DIS3L2: variants seen among roughly 807,000 people sequenced by gnomAD.
DIS3L2 encodes DIS3-like exonuclease 2.
Under a neutral mutation model 97.5 loss-of-function variants are expected in DIS3L2, and 34 were observed. The observed-to-expected ratio is 0.35, with a 90% CI of 0.27 to 0.46. The LOEUF is 0.46. Ranked by LOEUF, DIS3L2 falls within the 20% of genes least tolerant of loss-of-function variation. DIS3L2 has a pLI of 1.00. For missense variants in DIS3L2, 1,038 were observed against 1,146.0 expected (o/e 0.91, Z 1.36); for synonymous variants, 435 against 445.2 (o/e 0.98, Z 0.29).
At chr2:231,965,140 T>TA (rs1278970093) in intron 1 of DIS3L2, among the ~76,000 whole-genome samples, 1 of 152,248 alleles carries the variant, frequency 6.6e-6, no homozygotes, top group East Asian at 1.9e-4. Flanking sequence ...CTTTGCCACT[T>TA]AGAGTTTCTT....
intron 6 of DIS3L2, among the ~76,000 whole-genome samples, chr2:232,097,151 G>T (rs1432598987): frequency 6.6e-6 from 1 of 152,208 alleles, no homozygotes; most frequent in Non-Finnish European, 1.5e-5. Flanking sequence ...AGTAACACTG[G>T]TTTTTGCAGA....
intron 8 of DIS3L2, among the ~76,000 whole-genome samples, chr2:232,144,450 A>G (rs1177375583): frequency 6.6e-6 from 1 of 152,048 alleles, no homozygotes; most frequent in Non-Finnish European, 1.5e-5. Context: ...CCTCTTCTAG[A>G]CAGTGTTTTC....
intron 9 of DIS3L2, among the ~76,000 whole-genome samples, chr2:232,167,406 A>G (rs1400845246): frequency 6.6e-6 from 1 of 152,212 alleles, no homozygotes; most frequent in African/African-American, 2.4e-5. Context: ...TGAAAGCAGT[A>G]TGGTTGAATA....
chr2:232,202,585 C>T (rs1039623505), intron 9 of DIS3L2, among the ~76,000 whole-genome samples: 7 of 152,190 alleles, frequency 4.6e-5, no homozygotes, highest in Non-Finnish European at 1.0e-4. Flanking sequence ...TCTGCTAACG[C>T]TTGAGTTGAC....
At chr2:232,318,585 C>G (rs943561230) in intron 14 of DIS3L2, among the ~76,000 whole-genome samples, 2 of 152,156 alleles carry the variant, frequency 1.3e-5, no homozygotes, top group East Asian at 1.9e-4. Flanking sequence ...GGGAGTGGCT[C>G]TCAGTGTTGT....
intron 1 of DIS3L2, among the ~76,000 whole-genome samples, chr2:231,981,638 G>A (rs1315463189): frequency 5.0e-5 from 4 of 79,296 alleles, no homozygotes; most frequent in Non-Finnish European, 8.6e-5. Flanking sequence ...ATATATATAT[G>A]AGACATATTT....
intron 5 of DIS3L2, among the ~76,000 whole-genome samples, chr2:232,053,862 A>G (rs1695474719): frequency 6.6e-6 from 1 of 152,132 alleles, no homozygotes; most frequent in Non-Finnish European, 1.5e-5. Flanking sequence ...CACATTACAC[A>G]GGGATGATTG....
chr2:232,277,345 C>T (rs973142528), intron 13 of DIS3L2, among the ~76,000 whole-genome samples: 3 of 152,184 alleles, frequency 2.0e-5, no homozygotes, highest in African/African-American at 7.2e-5. Context: ...CACCCGCTAA[C>T]GTTGGTGCAG....
chr2:232,166,559 T>C (rs997413141), intron 9 of DIS3L2, among the ~76,000 whole-genome samples: 12 of 152,050 alleles, frequency 7.9e-5, no homozygotes, highest in Admixed American at 2.6e-4. Context: ...CTACTAAAAA[T>C]ACAAAAATTA....
chr2:232,121,666 C>T (rs1021709608), intron 6 of DIS3L2, among the ~76,000 whole-genome samples: 4 of 152,126 alleles, frequency 2.6e-5, no homozygotes, highest in African/African-American at 7.2e-5. Context: ...CTGGAAGGCT[C>T]GTGAAGCTAC....
chr2:232,334,125 GCCT>G, intron 17 of DIS3L2, 138 bp downstream of exon 17: 1 of 1,389,730 alleles, frequency 7.2e-7, no homozygotes, highest in Non-Finnish European at 9.5e-7. Context: ...GTGCAGGGGA[GCCT>G]GGCCTGGAAA....
intron 1 of DIS3L2, among the ~76,000 whole-genome samples, chr2:231,997,786 T>C (rs991997661): frequency 3.3e-5 from 5 of 152,160 alleles, no homozygotes; most frequent in African/African-American, 1.2e-4. Context: ...TCCCCACTTA[T>C]CCTCTATTGT....
chr2:232,034,985 T>G (rs1224197692), intron 5 of DIS3L2, among the ~76,000 whole-genome samples: 3 of 152,156 alleles, frequency 2.0e-5, no homozygotes. Flanking sequence ...TATTAGGTCC[T>G]CTTGATCCAG....
intron 5 of DIS3L2, among the ~76,000 whole-genome samples, chr2:232,036,001 G>C (rs1306507464): frequency 2.0e-5 from 3 of 152,040 alleles, no homozygotes; most frequent in Non-Finnish European, 4.4e-5. Context: ...TATGTGTCTT[G>C]GGGTTGCCTT....
At chr2:232,030,623 G>A (rs11902551) in intron 5 of DIS3L2, among the ~76,000 whole-genome samples, 16,401 of 152,070 alleles carry the variant, frequency 0.11, 1,117 homozygotes, top group African/African-American at 0.19. Context: ...TTTGGGTTTC[G>A]GTCTCCATCT....
At chr2:232,190,539 C>T (rs1691587489) in intron 9 of DIS3L2, among the ~76,000 whole-genome samples, 1 of 150,182 alleles carries the variant, frequency 6.7e-6, no homozygotes, top group Non-Finnish European at 1.5e-5. Context: ...ATATTTTGTG[C>T]TTAGGTTCTC....
At chr2:232,282,110 C>CT (rs1362275401) in intron 13 of DIS3L2, among the ~76,000 whole-genome samples, 1 of 141,334 alleles carries the variant, frequency 7.1e-6, no homozygotes, top group Non-Finnish European at 1.5e-5. Context: ...CTCCTACTCT[C>CT]TGTCTTTCCA....
chr2:232,285,313 A>C (rs1019382336), intron 13 of DIS3L2, among the ~76,000 whole-genome samples: 1 of 152,064 alleles, frequency 6.6e-6, no homozygotes, highest in Non-Finnish European at 1.5e-5. Context: ...CCCTGAGTGG[A>C]CTCACCTAGC....
chr2:232,310,831 A>G (rs565797281), intron 14 of DIS3L2, among the ~76,000 whole-genome samples: 1 of 152,360 alleles, frequency 6.6e-6, no homozygotes, highest in East Asian at 1.9e-4. Context: ...GAGGGCAGCA[A>G]GGCCTGGGGC....
Sources: allele counts gnomAD v4.1 joint callset (sites outside exome capture counted in the v4.1 genomes callset), GRCh38; gene constraint gnomAD v4.1.1; transcripts MANE v1.5; gene names NCBI Gene and HGNC (gene_info 2026-07-23, HGNC 2026-07-21).